The following TRAK2 variants were observed in gnomAD, a reference collection of about 807,000 sequenced individuals.
The protein encoded by TRAK2 is trafficking kinesin-binding protein 2.
TRAK2 carries 81 observed loss-of-function variants against 104.6 expected under a neutral mutation model. The ratio of observed to expected loss-of-function variants is 0.77; its 90% confidence interval spans 0.65 to 0.93. The LOEUF (loss-of-function observed/expected upper bound fraction) is 0.93. Ranked by LOEUF, TRAK2 falls within the 40% of genes least tolerant of loss-of-function variation. The pLI is 0.00. For synonymous variants in TRAK2, 406 were observed against 394.4 expected, an observed-to-expected ratio of 1.03 and a Z score of -0.35; for missense variants, 1,002 against 1,089.0, an observed-to-expected ratio of 0.92 and a Z score of 1.12.
In TRAK2 at chr2:201,389,850, T is replaced by A. The variant is rs545948461; in HGVS notation, c.1144A>T (p.Met382Leu). 2.5e-6 allele frequency: 4 copies of A among 1,613,754 alleles called. No homozygotes were observed. Among genetic ancestry groups the A allele is most frequent in the Admixed American group, 1.7e-5 (1 of 59,938 alleles). ...TCATCCAAACTCAGCTTTTTACGCATAGTCCCCTCAATCTCAGCTGCCAAA... is the reference window on the plus strand; with the variant it reads ...TCATCCAAACTCAGCTTTTTACGCAAAGTCCCCTCAATCTCAGCTGCCAAA... ...ESLAAEIEGT[M>L]RKKLSLDEES... is the part of the protein sequence containing the mutation. Residue 382 changes from methionine (M) to leucine (L), a missense_variant, in exon 11 of 16, where the codon ATG becomes TTG. By Grantham distance (15) the Met-to-Leu change is conservative. Coordinates refer to ENST00000332624, the MANE Select transcript of TRAK2 (RefSeq NM_015049.3).
chr2:201,378,916 A>C lies in TRAK2; in HGVS notation c.*1627T>G, dbSNP rs1166598770. ...GATGCCTCAAAAGGGGAGAGGAAGG[A>C]CTCTCCTTGGCCTGGGAATAGGTGT... is the stretch of plus-strand genomic sequence containing the variant. On this transcript the variant is annotated 3_prime_UTR_variant, in exon 16 of 16. Transcript: ENST00000332624. 6.6e-6 allele frequency: 1 copy of C among 152,012 alleles called. No individual in the cohort carries two copies. The allele number at this position is 152,012 out of a possible 1,614,324, so 9.4% of individuals were successfully genotyped here. A position where few individuals can be genotyped will look rare whatever the true frequency, so the allele number is the denominator to read the frequency against.
intron 1 of TRAK2, among the ~76,000 whole-genome samples, chr2:201,425,484 C>T (rs1045974450): frequency 3.9e-5 from 6 of 152,122 alleles, no homozygotes; most frequent in African/African-American, 1.4e-4. Context: ...TCACTGCAAC[C>T]TCTGCCCCCC....
chr2:201,410,419 A>G (rs1951635427), intron 2 of TRAK2: 1 of 578,890 alleles, frequency 1.7e-6, no homozygotes, highest in Non-Finnish European at 3.1e-6. Flanking sequence ...TGGCATGGAC[A>G]CAGATGTTTT....
chr2:201,419,680 A>C (rs1173224553), intron 2 of TRAK2, among the ~76,000 whole-genome samples: 2 of 152,224 alleles, frequency 1.3e-5, no homozygotes, highest in Non-Finnish European at 2.9e-5. Context: ...CTGTATACTT[A>C]AAATGAGTGT....
At chr2:201,420,374 C>T in intron 2 of TRAK2, 43 bp downstream of exon 2, 2 of 1,541,636 alleles carry the variant, frequency 1.3e-6, no homozygotes, top group Non-Finnish European at 1.8e-6. Flanking sequence ...TGCATTTTCT[C>T]CTATAAGCGA....
At chr2:201,394,694 T>G in intron 9 of TRAK2, 104 bp downstream of exon 9, 3 of 994,544 alleles carry the variant, frequency 3.0e-6, no homozygotes, top group Non-Finnish European at 4.5e-6. Context: ...TTGTTGTTGT[T>G]TTTTAAATCT....
intron 3 of TRAK2, 30 bp from the exon 4 acceptor site, chr2:201,401,124 G>C: frequency 6.9e-7 from 1 of 1,456,650 alleles, no homozygotes; most frequent in Non-Finnish European, 9.3e-7. Flanking sequence ...CTATTTATAG[G>C]CTTTAGCAAT....
chr2:201,442,428 G>A (rs1200885412), intron 1 of TRAK2, among the ~76,000 whole-genome samples: 1 of 151,340 alleles, frequency 6.6e-6, no homozygotes, highest in Non-Finnish European at 1.5e-5. Flanking sequence ...GAGATTTGAC[G>A]CTTGGACCCC....
chr2:201,383,085 C>T (rs1311939546), intron 15 of TRAK2, among the ~76,000 whole-genome samples: 1 of 152,186 alleles, frequency 6.6e-6, no homozygotes, highest in Non-Finnish European at 1.5e-5. Flanking sequence ...TCTTTAAAAG[C>T]TACCTTAGAT....
intron 15 of TRAK2, among the ~76,000 whole-genome samples, chr2:201,382,351 A>G (rs2125639243): frequency 6.6e-6 from 1 of 152,290 alleles, no homozygotes; most frequent in Admixed American, 6.5e-5. Context: ...AAGATATCAA[A>G]AATTTTAAAG....
chr2:201,449,968 C>T (rs1315323137), intron 1 of TRAK2, among the ~76,000 whole-genome samples: 1 of 151,752 alleles, frequency 6.6e-6, no homozygotes, highest in Non-Finnish European at 1.5e-5. Flanking sequence ...GCTGGGATTA[C>T]AGGAGTGAGC....
At chr2:201,409,027 C>G (rs1404614733) in intron 2 of TRAK2, among the ~76,000 whole-genome samples, 2 of 152,114 alleles carry the variant, frequency 1.3e-5, no homozygotes, top group Non-Finnish European at 2.9e-5. Context: ...TCTAAAAAAT[C>G]TTCCCTATCC....
chr2:201,407,266 C>A, intron 3 of TRAK2, 137 bp downstream of exon 3: 1 of 708,980 alleles, frequency 1.4e-6, no homozygotes, highest in Non-Finnish European at 2.3e-6. Context: ...ATTATCTCTT[C>A]CTGTGAAATC....
chr2:201,389,475 C>T lies in TRAK2; in HGVS notation c.1222G>A (p.Val408Ile), dbSNP rs549883553. Residue 408 changes from valine (V) to isoleucine (I), a missense_variant, in exon 12 of 16, where the codon GTC (valine) becomes ATC (isoleucine). By Grantham distance (29) the Val-to-Ile change is conservative (BLOSUM62 3). Transcript: ENST00000332624. ...KAQQKRVFDTVRIANDTRGRS... is the reference protein window; with the variant it reads ...KAQQKRVFDTIRIANDTRGRS... Reference sequence around the variant, plus strand: ...CCCCGTGTGTCATTGGCAATCCTGACGGTATCAAATACCCGCTTCTGTTGG... The same window carrying T: ...CCCCGTGTGTCATTGGCAATCCTGATGGTATCAAATACCCGCTTCTGTTGG... The T allele has an allele frequency of 2.4e-5, 39 of 1,614,050 alleles. No individual in the cohort carries two copies. The South Asian group carries it at 3.0e-4, about 12-fold the overall frequency.
chr2:201,394,476 G>A (rs1951479919), intron 9 of TRAK2, among the ~76,000 whole-genome samples: 1 of 151,862 alleles, frequency 6.6e-6, no homozygotes, highest in Admixed American at 6.6e-5. Context: ...GGGTAGCTGG[G>A]ATTACAGATG....
intron 2 of TRAK2, chr2:201,411,849 A>T: frequency 1.1e-6 from 1 of 875,964 alleles, no homozygotes; most frequent in Non-Finnish European, 2.0e-6. Flanking sequence ...GGCATTTTTA[A>T]TTCTTGGTAT....
chr2:201,410,671 A>G, intron 2 of TRAK2: 1 of 1,313,286 alleles, frequency 7.6e-7, no homozygotes. Flanking sequence ...TTGTCCTATC[A>G]TGTTCATCTG....
At position 201,413,871 on chromosome 2, in the gene TRAK2, C is replaced by T. The variant is rs960952765; in HGVS notation, c.92-6274G>A. Among the ~76,000 whole-genome samples, 7 of 152,174 alleles carry T rather than the reference C, an allele frequency of 4.6e-5. 1 individual carries two copies. The highest frequency in any genetic ancestry group is 3.9e-4 in the Admixed American group (6 of 15,274). ...TAGTCCTACATATCTCCTAATTCCTCCAGGTGTCTAATCTACTTATTGTCC... is the reference window on the plus strand; with the variant it reads ...TAGTCCTACATATCTCCTAATTCCTTCAGGTGTCTAATCTACTTATTGTCC... On this transcript the variant is annotated intron_variant, in intron 2 of 15. Coordinates refer to ENST00000332624, the MANE Select transcript of TRAK2 (RefSeq NM_015049.3).
At chr2:201,387,584 A>AG (rs1951403156) in intron 13 of TRAK2, 119 bp downstream of exon 13, 1 of 1,057,302 alleles carries the variant, frequency 9.5e-7, no homozygotes, top group Non-Finnish European at 1.4e-6. Context: ...AGCAAGATTA[A>AG]GGGATAAAAA....
Sources: gnomAD v4.1 joint callset for allele counts (sites outside exome capture counted in the v4.1 genomes callset) on GRCh38, gnomAD v4.1.1 for gene constraint, MANE v1.5 for transcripts, NCBI Gene and HGNC (gene_info 2026-07-23, HGNC 2026-07-21) for gene names.